PCDHA8: variants seen among roughly 807,000 people sequenced by gnomAD.
PCDHA8 encodes protocadherin alpha-8.
PCDHA8 carries 53 observed loss-of-function variants against 61.8 expected under a neutral mutation model. The ratio of observed to expected loss-of-function variants is 0.86; its 90% CI spans 0.69 to 1.08. The LOEUF (loss-of-function observed/expected upper bound fraction) is 1.08. Among genes scored for constraint, PCDHA8 ranks in the 50% least tolerant of loss-of-function variants. The pLI, the probability that PCDHA8 is intolerant of heterozygous loss-of-function variation, is 0.00. For synonymous variants in PCDHA8, 618 were observed against 556.6 expected (o/e 1.11, Z -1.55); for missense variants, 1,293 against 1,245.0 (o/e 1.04, Z -0.58).
At chr5:140,979,120 T>A in intron 2 of PCDHA8, 113 bp downstream of exon 2, 1 of 1,497,648 alleles carries the variant, frequency 6.7e-7, no homozygotes, top group Non-Finnish European at 8.9e-7. Flanking sequence ...CTTTAGGTAC[T>A]TTGCCAGGAA....
At chr5:140,876,868 G>A in intron 1 of PCDHA8, 7 of 1,614,160 alleles carry the variant, frequency 4.3e-6, no homozygotes, top group Non-Finnish European at 5.9e-6. Context: ...GTTCGTGAAG[G>A]AGAACAACCC....
At chr5:140,943,796 C>T (rs2093568961) in intron 1 of PCDHA8, among the ~76,000 whole-genome samples, 1 of 152,032 alleles carries the variant, frequency 6.6e-6, no homozygotes, top group Non-Finnish European at 1.5e-5. Flanking sequence ...TTATGCAAAG[C>T]AAAAGAGGAA....
At chr5:140,945,935 G>T (rs2093863887) in intron 1 of PCDHA8, among the ~76,000 whole-genome samples, 1 of 151,964 alleles carries the variant, frequency 6.6e-6, no homozygotes, top group Admixed American at 6.6e-5. Flanking sequence ...GAGCAATGAT[G>T]TTTTTTATAT....
intron 1 of PCDHA8, among the ~76,000 whole-genome samples, chr5:140,960,353 A>T (rs1197291282): frequency 6.6e-6 from 1 of 152,214 alleles, no homozygotes; most frequent in African/African-American, 2.4e-5. Context: ...ATATGTACTG[A>T]AATAATATGC....
intron 3 of PCDHA8, among the ~76,000 whole-genome samples, chr5:141,009,180 T>C (rs1272195338): frequency 6.6e-6 from 1 of 152,170 alleles, no homozygotes; most frequent in Non-Finnish European, 1.5e-5. Context: ...CTTGGCTGGG[T>C]GTGGTAGCTC....
At chr5:140,884,320 A>T in intron 1 of PCDHA8, 1 of 1,613,806 alleles carries the variant, frequency 6.2e-7, no homozygotes, top group Non-Finnish European at 8.5e-7. Context: ...GGGCGTCGGC[A>T]GGCGCTGTGG....
At chr5:140,857,085 C>T in intron 1 of PCDHA8, 2 of 1,596,752 alleles carry the variant, frequency 1.3e-6, no homozygotes, top group Non-Finnish European at 8.6e-7. Context: ...AATGATAATT[C>T]ACCTGAGGTG....
intron 1 of PCDHA8, chr5:140,968,774 C>T (rs2096269643): frequency 6.2e-7 from 1 of 1,614,088 alleles, no homozygotes. Flanking sequence ...AGAGCCATCA[C>T]TATCAGCCTC....
chr5:141,010,296 G>C lies in PCDHA8; in HGVS notation c.*359G>C. On this transcript the variant is annotated 3_prime_UTR_variant, in exon 4 of 4. Transcript: ENST00000531613. ...CTGTCTTGATGACACTTGCAGGGCA[G>C]GCTGAAAAGTTTTGAGATTGAGCAG... The C allele has an allele frequency of 1.3e-6, 2 of 1,549,428 alleles. No individual in the cohort carries two copies. The highest frequency in any genetic ancestry group is 1.7e-6 in the Non-Finnish European group (2 of 1,146,352).
chr5:140,848,892 T>C, intron 1 of PCDHA8: 1 of 1,601,494 alleles, frequency 6.2e-7, no homozygotes, highest in East Asian at 2.2e-5. Context: ...CCCTCCAGTG[T>C]TCCCAGCGAC....
At chr5:140,990,155 G>GT (rs1274867030) in intron 3 of PCDHA8, among the ~76,000 whole-genome samples, 4 of 152,076 alleles carry the variant, frequency 2.6e-5, no homozygotes, top group African/African-American at 9.7e-5. Context: ...ATAATAGAAA[G>GT]TTAGGGTATG....
At chr5:141,007,329 TTGCCTGAGCTCAG>T (rs1554261175) in intron 3 of PCDHA8, among the ~76,000 whole-genome samples, 2 of 149,734 alleles carry the variant, frequency 1.3e-5, no homozygotes. Context: ...AGTGGACAGA[TTGCCTGAGCTCAG>T]GAGTTCGAGA....
chr5:140,993,460 TCTCACACACA>T (rs1210103837), intron 3 of PCDHA8, among the ~76,000 whole-genome samples: 11 of 104,506 alleles, frequency 1.1e-4, no homozygotes, highest in Admixed American at 1.2e-4. Flanking sequence ...CTTCTTTCTT[TCTCACACACA>T]CACACACACA....
At chr5:140,875,815 C>T (rs782785462) in intron 1 of PCDHA8, 11 of 1,614,218 alleles carry the variant, frequency 6.8e-6, no homozygotes, top group Non-Finnish European at 9.3e-6. Flanking sequence ...CAGGCCGCTG[C>T]AGGTTTTCCA....
intron 1 of PCDHA8, among the ~76,000 whole-genome samples, chr5:140,908,732 A>G (rs909800763): frequency 6.6e-6 from 1 of 152,200 alleles, no homozygotes; most frequent in African/African-American, 2.4e-5. Flanking sequence ...ATATGGCTCG[A>G]GAAACAGAGC....
intron 1 of PCDHA8, chr5:140,882,155 T>C (rs1317545188): frequency 1.3e-6 from 2 of 1,504,050 alleles, no homozygotes; most frequent in Admixed American, 2.3e-5. Flanking sequence ...GAAAGCGGAA[T>C]ACCTCTTGCG....
chr5:140,963,680 T>G (rs1482854996), intron 1 of PCDHA8, among the ~76,000 whole-genome samples: 1 of 152,238 alleles, frequency 6.6e-6, no homozygotes, highest in African/African-American at 2.4e-5. Context: ...TTAAATGTGT[T>G]TATCCGTGTT....
rs1181664726 is a variant in PCDHA8 at position 140,982,480 on chromosome 5, T to C, written c.2459T>C (p.Val820Ala). ...GGGTCTGTGTGTTTATTCAGCTCTG[T>C]GCACCTAGAGGAGGCTGGCATTCTA... ...ASLRAGMHSS[V>A]HLEEAGILRA... is the part of the protein sequence containing the mutation. The change falls in exon 3 of 4, where the codon GTG (valine) becomes GCG (alanine). Residue 820 changes from valine (V) to alanine (A), a missense_variant. Coordinates refer to ENST00000531613, the MANE Select transcript of PCDHA8 (RefSeq NM_018911.3). 5.0e-6 allele frequency: 8 copies of C among 1,614,216 alleles called. No individual in the cohort carries two copies. Among genetic ancestry groups the C allele is most frequent in the Non-Finnish European group, 6.8e-6 (8 of 1,180,038 alleles).
rs202010088 is a variant in PCDHA8 at position 140,869,201 on chromosome 5, A to G, written c.2394+25486A>G. On this transcript the variant is annotated intron_variant, in intron 1 of 3. Transcript: ENST00000531613. ...GAGGTGGGGAGCGGCCAGCTCCACTACTCCGTCTCGGAGGAGGCCAAACAC... is the reference window on the plus strand; with the variant it reads ...GAGGTGGGGAGCGGCCAGCTCCACTGCTCCGTCTCGGAGGAGGCCAAACAC... 1.3e-3 allele frequency: 2,112 copies of G among 1,612,868 alleles called. 36 individuals carry two copies. The highest frequency in any genetic ancestry group is 1.6e-3 in the Admixed American group (96 of 59,934).
Sources: gnomAD v4.1 joint callset for allele counts (sites outside exome capture counted in the v4.1 genomes callset) on GRCh38, gnomAD v4.1.1 for gene constraint, MANE v1.5 for transcripts, NCBI Gene and HGNC (gene_info 2026-07-23, HGNC 2026-07-21) for gene names.